CFAP54: variants seen among roughly 807,000 people sequenced by gnomAD.
The protein encoded by CFAP54 is cilia and flagella associated protein 54, also known as cilia- and flagella-associated protein 54.
In CFAP54, 290 loss-of-function variants were observed where a neutral mutation model predicts 370.4. The ratio of observed to expected loss-of-function variants is 0.78; its 90% CI spans 0.71 to 0.86. The LOEUF (loss-of-function observed/expected upper bound fraction) is 0.86. Among genes scored for constraint, CFAP54 ranks in the 40% least tolerant of loss-of-function variants. The probability of loss-of-function intolerance (pLI) is 0.00; values close to 1 mark genes in which losing one functional copy is unlikely to be tolerated. For missense variants in CFAP54, 3,399 were observed against 3,528.7 expected, an observed-to-expected ratio of 0.96 and a Z score of 0.93; for synonymous variants, 1,206 against 1,236.5, an observed-to-expected ratio of 0.98 and a Z score of 0.52.
At chr12:96,623,908 C>T (rs1278199967) in intron 28 of CFAP54, 27 bp downstream of exon 28, 1 of 1,364,712 alleles carries the variant, frequency 7.3e-7, no homozygotes, top group South Asian at 1.3e-5. Context: ...TGTATACTTC[C>T]ATTTAGCATT....
intron 39 of CFAP54, among the ~76,000 whole-genome samples, chr12:96,666,298 T>C (rs1348912355): frequency 6.6e-6 from 1 of 152,266 alleles, no homozygotes; most frequent in East Asian, 1.9e-4. Flanking sequence ...TAGATTATTC[T>C]ATTAGTTTTA....
intron 65 of CFAP54, among the ~76,000 whole-genome samples, chr12:96,821,899 A>C (rs970046572): frequency 2.0e-5 from 3 of 152,110 alleles, no homozygotes; most frequent in Non-Finnish European, 4.4e-5. Context: ...TTCTATTAAC[A>C]GTATAGATTG....
At chr12:96,818,593 G>C (rs972300274) in intron 65 of CFAP54, among the ~76,000 whole-genome samples, 3 of 152,190 alleles carry the variant, frequency 2.0e-5, no homozygotes, top group Admixed American at 6.5e-5. Context: ...CCCTGAATTA[G>C]CCAGACTTGC....
chr12:96,630,141 T>G lies in CFAP54; in HGVS notation c.4152T>G (p.Ser1384Arg). 1 of 1,501,292 alleles carries G rather than the reference T, an allele frequency of 6.7e-7. No homozygotes were observed. Among genetic ancestry groups the G allele is most frequent in the Non-Finnish European group, 8.9e-7 (1 of 1,119,096 alleles). The allele number at this position is 1,501,292 out of a possible 1,614,324, so 93.0% of individuals were successfully genotyped here. A position where few individuals can be genotyped will look rare whatever the true frequency, so the allele number is the denominator to read the frequency against. ...LGLIKVKYKD[S>R]ALNKKANKSL... Reference sequence around the variant, plus strand: ...TAATAAAAGTGAAATATAAGGATAGTGCTTTGAATAAAAAAGCAAACAAAT... The same window carrying G: ...TAATAAAAGTGAAATATAAGGATAGGGCTTTGAATAAAAAAGCAAACAAAT... The change falls in exon 31 of 68, where the codon AGT becomes AGG. Residue 1384 changes from serine to arginine, a missense_variant. This residue lies in a region of CFAP54 where 2,796 missense variants were observed against 2,869.7 expected (regional missense o/e 0.97). Transcript: ENST00000524981.
chr12:96,631,669 T>C (rs1004050575), intron 32 of CFAP54, among the ~76,000 whole-genome samples: 4 of 149,850 alleles, frequency 2.7e-5, no homozygotes, highest in African/African-American at 9.7e-5. Flanking sequence ...TACACATAAA[T>C]ATAAATAACA....
intron 50 of CFAP54, among the ~76,000 whole-genome samples, chr12:96,724,006 T>A (rs1957795874): frequency 6.6e-6 from 1 of 151,908 alleles, no homozygotes; most frequent in Non-Finnish European, 1.5e-5. Context: ...AAGGACATGA[T>A]CTCATCATGT....
chr12:96,859,230 A>G (rs1959799158), intron 66 of CFAP54, among the ~76,000 whole-genome samples: 1 of 152,198 alleles, frequency 6.6e-6, no homozygotes, highest in Non-Finnish European at 1.5e-5. Context: ...TGGACCCCTT[A>G]TTTATACCAT....
chr12:96,868,360 G>A (rs1056092823), intron 67 of CFAP54, among the ~76,000 whole-genome samples: 1 of 149,822 alleles, frequency 6.7e-6, no homozygotes, highest in African/African-American at 2.4e-5. Context: ...ACATTTTTTG[G>A]TCCACTGTAT....
intron 26 of CFAP54, among the ~76,000 whole-genome samples, chr12:96,611,432 G>A (rs1005027323): frequency 1.3e-5 from 2 of 152,152 alleles, no homozygotes; most frequent in Non-Finnish European, 2.9e-5. Flanking sequence ...CCACAAAGAT[G>A]GGGAAAAAAC....
At chr12:96,740,769 A>G (rs779263210) in intron 51 of CFAP54, among the ~76,000 whole-genome samples, 1 of 152,250 alleles carries the variant, frequency 6.6e-6, no homozygotes, top group Non-Finnish European at 1.5e-5. Flanking sequence ...ACTTAGAATA[A>G]TGATTGTCAA....
chr12:96,762,358 G>A (rs1253217319), intron 58 of CFAP54, among the ~76,000 whole-genome samples: 2 of 152,134 alleles, frequency 1.3e-5, no homozygotes, highest in East Asian at 3.8e-4. Context: ...CATGTCTTCT[G>A]CAAAGAAAGA....
intron 34 of CFAP54, 32 bp from the exon 35 acceptor site, chr12:96,649,859 T>C: frequency 2.1e-6 from 3 of 1,445,024 alleles, no homozygotes; most frequent in South Asian, 2.6e-5. Flanking sequence ...TCTATGTTTT[T>C]AATCATGTCA....
intron 61 of CFAP54, 90 bp from the exon 62 acceptor site, chr12:96,786,585 A>G: frequency 1.1e-6 from 1 of 921,756 alleles, no homozygotes. Context: ...GGAATATGTA[A>G]CGATAGTGGT....
chr12:96,745,960 A>T (rs1958110044), intron 55 of CFAP54, among the ~76,000 whole-genome samples: 1 of 152,164 alleles, frequency 6.6e-6, no homozygotes, highest in Admixed American at 6.5e-5. Flanking sequence ...GTTTCTCTGC[A>T]GTGGGAAAAC....
chr12:96,712,184 T>C (rs1001577791), intron 48 of CFAP54, among the ~76,000 whole-genome samples: 1 of 152,200 alleles, frequency 6.6e-6, no homozygotes, highest in African/African-American at 2.4e-5. Context: ...TTATTTGCTG[T>C]TTCCTTTGCT....
chr12:96,491,645 A>C (rs1272157678), intron 1 of CFAP54, among the ~76,000 whole-genome samples: 1 of 152,184 alleles, frequency 6.6e-6, no homozygotes, highest in African/African-American at 2.4e-5. Context: ...GCAGGTAGAG[A>C]AAGTATTTCA....
chr12:96,855,950 T>C (rs941079516), intron 66 of CFAP54, among the ~76,000 whole-genome samples: 2 of 152,224 alleles, frequency 1.3e-5, no homozygotes, highest in African/African-American at 2.4e-5. Context: ...TACTTCTGCC[T>C]AGACATCCAG....
intron 50 of CFAP54, among the ~76,000 whole-genome samples, chr12:96,729,698 C>T (rs1441084263): frequency 6.6e-6 from 1 of 152,204 alleles, no homozygotes; most frequent in African/African-American, 2.4e-5. Context: ...CACCCACTGT[C>T]CTGCGCCCAC....
At chr12:96,764,946 T>C in intron 59 of CFAP54, 131 bp from the exon 60 acceptor site, 5 of 594,400 alleles carry the variant, frequency 8.4e-6, no homozygotes, top group Non-Finnish European at 1.3e-5. Context: ...TTTCAGGTTG[T>C]CTTTATTTTT....
Sources: allele counts gnomAD v4.1 joint callset (sites outside exome capture counted in the v4.1 genomes callset), GRCh38; gene constraint gnomAD v4.1.1; regional missense constraint gnomAD v4.1.1; transcripts MANE v1.5; gene names NCBI Gene and HGNC (gene_info 2026-07-23, HGNC 2026-07-21).